Variants in RBM33 observed in about 807,000 individuals in gnomAD.
RBM33 encodes RNA-binding protein 33.
In RBM33, 28 loss-of-function variants were observed where a neutral mutation model predicts 132.6. The ratio of observed to expected loss-of-function variants is 0.21; its 90% CI spans 0.16 to 0.29. The LOEUF is 0.29. Among genes scored for constraint, RBM33 ranks in the 10% least tolerant of loss-of-function variants. The pLI is 1.00. For missense variants in RBM33, 1,291 were observed against 1,518.5 expected (o/e 0.85, Z 2.49); for synonymous variants, 634 against 593.0 (o/e 1.07, Z -1.01).
At chr7:155,688,291 G>A (rs1174086153) in intron 5 of RBM33, among the ~76,000 whole-genome samples, 2 of 152,158 alleles carry the variant, frequency 1.3e-5, no homozygotes, top group Middle Eastern at 3.2e-3. Flanking sequence ...TGTTATTGGT[G>A]TATAAGAATG....
chr7:155,760,766 A>G (rs73167188), intron 14 of RBM33, among the ~76,000 whole-genome samples: 9,416 of 152,270 alleles, frequency 0.062, 431 homozygotes, highest in African/African-American at 0.13. Flanking sequence ...AGACTGAAAA[A>G]TTGTGTACTC....
At chr7:155,750,254 A>T (rs1482100171) in intron 14 of RBM33, among the ~76,000 whole-genome samples, 3 of 152,262 alleles carry the variant, frequency 2.0e-5, no homozygotes, top group Non-Finnish European at 2.9e-5. Context: ...TTAAGAAACC[A>T]AAAGAACAAC....
intron 2 of RBM33, among the ~76,000 whole-genome samples, 155 bp from the exon 3 acceptor site, chr7:155,672,712 T>A (rs1300705965): frequency 7.2e-6 from 1 of 138,316 alleles, no homozygotes; most frequent in Non-Finnish European, 1.5e-5. Flanking sequence ...ACCATTGTAC[T>A]CCATCCTGGG....
intron 5 of RBM33, chr7:155,685,074 A>G (rs1443365961): frequency 6.5e-7 from 1 of 1,544,874 alleles, no homozygotes; most frequent in Non-Finnish European, 8.7e-7. Flanking sequence ...TCTTTTAAAA[A>G]GAGTAAAAAG....
intron 11 of RBM33, 164 bp from the exon 12 acceptor site, chr7:155,739,551 A>G (rs1054377885): frequency 8.6e-6 from 6 of 694,116 alleles, no homozygotes; most frequent in South Asian, 2.0e-5. Context: ...CTGGCTTATT[A>G]CTGCATTTTA....
intron 5 of RBM33, among the ~76,000 whole-genome samples, chr7:155,693,332 C>CTTTTTTTTT (rs11417256): frequency 2.0e-5 from 3 of 146,712 alleles, no homozygotes; most frequent in African/African-American, 2.5e-5. Context: ...ATTTTTTTTT[C>CTTTTTTTTT]TTTTTTTTTT....
At chr7:155,700,058 G>A (rs1283617440) in intron 5 of RBM33, among the ~76,000 whole-genome samples, 1 of 152,160 alleles carries the variant, frequency 6.6e-6, no homozygotes, top group Non-Finnish European at 1.5e-5. Flanking sequence ...TGTCCACAAA[G>A]AAATTACTTT....
chr7:155,726,468 T>C (rs1800798070), intron 9 of RBM33, among the ~76,000 whole-genome samples: 1 of 152,278 alleles, frequency 6.6e-6, no homozygotes, highest in East Asian at 1.9e-4. Context: ...ATAATTTGTA[T>C]GAGAATTATA....
intron 12 of RBM33, among the ~76,000 whole-genome samples, chr7:155,741,470 T>C (rs1801333786): frequency 6.6e-6 from 1 of 152,206 alleles, no homozygotes; most frequent in Non-Finnish European, 1.5e-5. Flanking sequence ...TGGTGGCAGA[T>C]AGAGTGGTTT....
At chr7:155,653,955 C>T (rs960583562) in intron 1 of RBM33, among the ~76,000 whole-genome samples, 3 of 152,152 alleles carry the variant, frequency 2.0e-5, no homozygotes, top group Non-Finnish European at 4.4e-5. Flanking sequence ...CCTGCCCGAA[C>T]TCCAGATGAT....
chr7:155,662,413 C>T (rs567408800), intron 1 of RBM33, among the ~76,000 whole-genome samples: 123 of 152,286 alleles, frequency 8.1e-4, no homozygotes, highest in African/African-American at 2.8e-3. Flanking sequence ...AGTTAGCTCT[C>T]ACCAGAACTC....
chr7:155,673,007 T>A, intron 3 of RBM33, 92 bp downstream of exon 3: 1 of 813,972 alleles, frequency 1.2e-6, no homozygotes, highest in Non-Finnish European at 1.8e-6. Context: ...GTTTCATTAC[T>A]GGAAAGTTGG....
In RBM33 at chr7:155,711,349, A is replaced by G; in HGVS notation, c.1095A>G (p.Leu365=). 2 of 1,603,558 alleles carry G rather than the reference A, an allele frequency of 1.2e-6. No individual in the cohort carries two copies. The highest frequency in any genetic ancestry group is 1.7e-4 in the Middle Eastern group (1 of 6,026). The change falls in exon 8 of 18, where the codon CTA becomes CTG. Residue 365 remains leucine (L), a synonymous_variant. Coordinates refer to ENST00000401878, the MANE Select transcript of RBM33 (RefSeq NM_053043.3). Reference sequence around the variant, plus strand: ...AGGGAATGCACATGCCTCCCCAGCTAGAGACCCCAAGGATGATGATGACCC... The same window carrying G: ...AGGGAATGCACATGCCTCCCCAGCTGGAGACCCCAAGGATGATGATGACCC... The part of the protein sequence containing the change: ...PPQGMHMPPQ[L]ETPRMMMTPP...
Position 155,678,670 on chromosome 7 carries a change from T to C in RBM33, c.234T>C (p.Asp78=), listed in dbSNP as rs1170366360. The change falls in exon 4 of 18, where the codon GAT becomes GAC. Residue 78 remains aspartate (D), a synonymous_variant. Transcript: ENST00000401878. The stretch of plus-strand genomic sequence containing the variant: ...ATCTTTTGCAGAGTGATAATGAAGA[T>C]GAAGAAAATTTCAGGTACTCAATAT... ...NDDLLQSDNE[D]EENFSSQGVT... is the part of the protein sequence containing the mutation. 6 of 1,566,320 alleles carry C rather than the reference T, an allele frequency of 3.8e-6. No homozygotes were observed. The highest frequency in any genetic ancestry group is 5.2e-6 in the Non-Finnish European group (6 of 1,147,836).
intron 9 of RBM33, among the ~76,000 whole-genome samples, chr7:155,735,713 CTCTCT>C (rs1585505875): frequency 2.2e-5 from 3 of 137,948 alleles, no homozygotes; most frequent in East Asian, 2.0e-4. Flanking sequence ...CTCTCTCTCT[CTCTCT>C]GTCTCTCTCT....
chr7:155,686,119 A>G (rs1190958398), intron 5 of RBM33, among the ~76,000 whole-genome samples: 1 of 152,240 alleles, frequency 6.6e-6, no homozygotes. Context: ...ACTTAGAGAA[A>G]GGACAGAATA....
chr7:155,737,353 C>CTGTG (rs59512454), intron 9 of RBM33, among the ~76,000 whole-genome samples, 177 bp from the exon 10 acceptor site: 6,590 of 142,880 alleles, frequency 0.046, 149 homozygotes, highest in Middle Eastern at 0.06. Flanking sequence ...ATGCATGACT[C>CTGTG]TGTGTGTGTG....
chr7:155,736,204 G>A (rs756479328), intron 9 of RBM33, among the ~76,000 whole-genome samples: 10 of 152,228 alleles, frequency 6.6e-5, no homozygotes, highest in South Asian at 2.1e-4. Flanking sequence ...ATGCACTGCG[G>A]AAGAGCATTT....
intron 8 of RBM33, 46 bp downstream of exon 8, chr7:155,711,501 TC>T: frequency 7.9e-7 from 1 of 1,259,896 alleles, no homozygotes; most frequent in Non-Finnish European, 1.0e-6. Flanking sequence ...GGCCCCAGCT[TC>T]CAATGGTTTG....
Sources: allele counts gnomAD v4.1 joint callset (sites outside exome capture counted in the v4.1 genomes callset), GRCh38; gene constraint gnomAD v4.1.1; transcripts MANE v1.5; gene names NCBI Gene and HGNC (gene_info 2026-07-23, HGNC 2026-07-21).